The following TULP4 variants were observed in gnomAD, a reference collection of about 807,000 sequenced individuals.
TULP4 encodes tubby-related protein 4.
TULP4 carries 16 observed loss-of-function variants against 129.0 expected under a neutral mutation model. The observed-to-expected ratio is 0.12, with a 90% confidence interval of 0.08 to 0.19. The LOEUF is 0.19. Ranked by LOEUF, TULP4 falls within the 10% of genes least tolerant of loss-of-function variation. The pLI is 1.00. For synonymous variants in TULP4, 998 were observed against 854.0 expected, an observed-to-expected ratio of 1.17 and a Z score of -2.94; for missense variants, 1,842 against 2,059.1, an observed-to-expected ratio of 0.89 and a Z score of 2.04.
intron 13 of TULP4, among the ~76,000 whole-genome samples, chr6:158,505,764 C>T (rs1270649517): frequency 6.6e-6 from 1 of 152,190 alleles, no homozygotes; most frequent in East Asian, 1.9e-4. Context: ...TCTTCTGGAG[C>T]CTCTGGCCTG....
chr6:158,460,196 G>A (rs1204500113), intron 5 of TULP4, among the ~76,000 whole-genome samples: 1 of 152,202 alleles, frequency 6.6e-6, no homozygotes, highest in East Asian at 1.9e-4. Context: ...CAAGAGACGT[G>A]AAAGAGCTTC....
chr6:158,309,367 T>TGGGATGGCGGCC (rs1779292824), upstream of TULP4, among the ~76,000 whole-genome samples: 1 of 134,592 alleles, frequency 7.4e-6, no homozygotes, highest in Non-Finnish European at 1.6e-5. Flanking sequence ...ACTTCCTAGA[T>TGGGATGGCGGCC]GGGATGGCGG....
At chr6:158,501,618 C>T (rs1482579669) in intron 12 of TULP4, 60 bp from the exon 13 acceptor site, 1 of 1,517,542 alleles carries the variant, frequency 6.6e-7, no homozygotes, top group Non-Finnish European at 9.0e-7. Context: ...TATTGCTTAT[C>T]CTGATCTGGT....
intron 6 of TULP4, among the ~76,000 whole-genome samples, chr6:158,466,459 A>G: frequency 6.6e-6 from 1 of 152,174 alleles, no homozygotes; most frequent in East Asian, 1.9e-4. Context: ...CTAAGGATTA[A>G]TAATGTTGAT....
intron 1 of TULP4, among the ~76,000 whole-genome samples, chr6:158,234,877 A>G (rs1445533150): frequency 6.6e-6 from 1 of 152,242 alleles, no homozygotes; most frequent in East Asian, 1.9e-4. Flanking sequence ...CATAAAATTT[A>G]TCATCCTGGC....
Position 158,314,283 on chromosome 6 carries a change from T to C in TULP4, c.252+15T>C, listed in dbSNP as rs1377604620. The C allele has an allele frequency of 1.2e-6, 2 of 1,609,300 alleles. No individual in the cohort carries two copies. The highest frequency in any genetic ancestry group is 2.7e-5 in the African/African-American group (2 of 74,852). On this transcript the variant is annotated intron_variant, in intron 1 of 13. Coordinates refer to ENST00000367097, the MANE Select transcript of TULP4 (RefSeq NM_020245.5). The stretch of plus-strand genomic sequence containing the variant: ...ACAATAGCGAGGTGAGCTGTGGTTT[T>C]GTTTCACTTTTTGGTCACTTCCAGT...
chr6:158,416,510 A>C (rs1778212493), intron 2 of TULP4, among the ~76,000 whole-genome samples: 1 of 152,222 alleles, frequency 6.6e-6, no homozygotes, highest in African/African-American at 2.4e-5. Context: ...AGAAAAACAT[A>C]ATTTGGTACA....
intron 1 of TULP4, among the ~76,000 whole-genome samples, chr6:158,387,955 T>C (rs187144587): frequency 9.2e-5 from 14 of 152,342 alleles, no homozygotes; most frequent in Non-Finnish European, 1.5e-4. Context: ...TTTTCATAGC[T>C]AAATTCATAT....
chr6:158,402,363 T>C (rs571725711), intron 1 of TULP4, among the ~76,000 whole-genome samples: 2 of 152,202 alleles, frequency 1.3e-5, no homozygotes, highest in African/African-American at 2.4e-5. Flanking sequence ...TCAGCTGTTA[T>C]CTGAATTAGA....
intron 8 of TULP4, among the ~76,000 whole-genome samples, chr6:158,486,371 GT>G (rs1440558544): frequency 1.3e-5 from 2 of 152,108 alleles, no homozygotes. Context: ...GGCTAACAAG[GT>G]GAAACCCCAT....
chr6:158,248,983 G>A (rs1024942423), intron 1 of TULP4, among the ~76,000 whole-genome samples: 3 of 151,544 alleles, frequency 2.0e-5, no homozygotes, highest in East Asian at 1.9e-4. Flanking sequence ...AAATTAGCCC[G>A]GTGTGGTGGC....
At chr6:158,233,465 C>A (rs996534235) in intron 1 of TULP4, among the ~76,000 whole-genome samples, 1 of 152,198 alleles carries the variant, frequency 6.6e-6, no homozygotes, top group Non-Finnish European at 1.5e-5. Context: ...CCTCTTCCTC[C>A]GTGTCTGGGT....
chr6:158,300,193 G>A (rs977704425), intron 1 of TULP4, among the ~76,000 whole-genome samples: 1 of 152,168 alleles, frequency 6.6e-6, no homozygotes, highest in African/African-American at 2.4e-5. Flanking sequence ...TGGGCACCCA[G>A]ACAGGGGATT....
chr6:158,344,065 C>T (rs1442129868), intron 1 of TULP4, among the ~76,000 whole-genome samples: 1 of 152,098 alleles, frequency 6.6e-6, no homozygotes, highest in Non-Finnish European at 1.5e-5. Context: ...TTGTAATCTC[C>T]CCCACCCTTA....
At chr6:158,452,301 G>T in intron 5 of TULP4, 33 bp downstream of exon 5, 2 of 1,609,346 alleles carry the variant, frequency 1.2e-6, no homozygotes, top group South Asian at 2.2e-5. Flanking sequence ...CAAACCTGCA[G>T]ACCGGGCCTG....
At position 158,502,107 on chromosome 6, in the gene TULP4, G is replaced by A; in HGVS notation, c.2444G>A (p.Gly815Glu). ...CCAACACCGCAGCTGGCAGCTGAGGGGGACGCAGTGGTCTTTAGTGCCCCC... is the reference window on the plus strand; with the variant it reads ...CCAACACCGCAGCTGGCAGCTGAGGAGGACGCAGTGGTCTTTAGTGCCCCC... ...LRPTPQLAAE[G>E]DAVVFSAPQE... is the part of the protein sequence containing the mutation. The change falls in exon 13 of 14, where the codon GGG becomes GAG. Residue 815 changes from glycine (G) to glutamate (E), a missense_variant. By Grantham distance (98) the Gly-to-Glu change is moderately conservative. Coordinates refer to ENST00000367097, the MANE Select transcript of TULP4 (RefSeq NM_020245.5). 1.2e-6 allele frequency: 2 copies of A among 1,610,368 alleles called. No individual in the cohort carries two copies. The highest frequency in any genetic ancestry group is 2.2e-5 in the South Asian group (2 of 90,372).
Position 158,502,111 on chromosome 6 carries a change from C to T in TULP4, c.2448C>T (p.Asp816=), listed in dbSNP as rs151253671. The stretch of plus-strand genomic sequence containing the variant: ...CACCGCAGCTGGCAGCTGAGGGGGA[C>T]GCAGTGGTCTTTAGTGCCCCCCAGG... ...RPTPQLAAEG[D]AVVFSAPQEV... is the part of the protein sequence containing the mutation. The change falls in exon 13 of 14, where the codon GAC becomes GAT. Residue 816 remains aspartate, a synonymous_variant. Transcript: ENST00000367097. 144 of 1,609,794 alleles carry T rather than the reference C, an allele frequency of 8.9e-5. No individual in the cohort carries two copies. In the East Asian group the frequency reaches 1.2e-3, roughly 13 times the overall value.
chr6:158,360,705 T>G (rs1780765953), intron 1 of TULP4, among the ~76,000 whole-genome samples: 1 of 152,116 alleles, frequency 6.6e-6, no homozygotes, highest in African/African-American at 2.4e-5. Context: ...GTAAGAATAA[T>G]CCCACAGGCT....
chr6:158,434,742 G>A (rs145228904), intron 3 of TULP4, among the ~76,000 whole-genome samples: 4 of 152,206 alleles, frequency 2.6e-5, no homozygotes, highest in African/African-American at 9.6e-5. Flanking sequence ...AGGTTGACAT[G>A]CTGATATGCC....
Sources: allele counts gnomAD v4.1 joint callset (sites outside exome capture counted in the v4.1 genomes callset), GRCh38; gene constraint gnomAD v4.1.1; transcripts MANE v1.5; gene names NCBI Gene and HGNC (gene_info 2026-07-23, HGNC 2026-07-21).